P2RY8: variants seen among roughly 807,000 people sequenced by gnomAD.
The protein encoded by P2RY8 is P2Y receptor family member 8.
P2RY8 carries 6 observed loss-of-function variants against 10.0 expected under a neutral mutation model. That is an observed-to-expected ratio of 0.60 (90% CI 0.33 to 1.19). P2RY8 has a LOEUF of 1.19. P2RY8 is among the 50% of genes most tolerant of loss of function. P2RY8 has a pLI of 0.04. For missense variants in P2RY8, 456 were observed against 542.0 expected (o/e 0.84, Z 1.58); for synonymous variants, 276 against 252.5 (o/e 1.09, Z -0.88).
Position 1,465,404 on chromosome X carries a change from T to C in P2RY8, c.*75A>G. ...AACGCAGCTGTTCTCCCTGAACCTC[T>C]GGCACCGTGGCCTCTCCATGCGCCC... On this transcript the variant is annotated 3_prime_UTR_variant, in exon 2 of 2. Coordinates refer to ENST00000381297, the MANE Select transcript of P2RY8 (RefSeq NM_178129.5). 1.3e-6 allele frequency: 2 copies of C among 1,522,668 alleles called. No homozygotes were observed. Among genetic ancestry groups the C allele is most frequent in the Non-Finnish European group, 1.7e-6 (2 of 1,143,632 alleles). The allele number at this position is 1,522,668 out of a possible 1,614,324, so 94.3% of individuals were successfully genotyped here.
At chrX:1,486,123 C>T (rs1339245870) in intron 1 of P2RY8, among the ~76,000 whole-genome samples, 9 of 152,154 alleles carry the variant, frequency 5.9e-5, no homozygotes, top group Admixed American at 2.0e-4. Flanking sequence ...GAGGCTGAGG[C>T]AGGAGAATCG....
chrX:1,501,060 CT>C (rs2092174045), intron 1 of P2RY8, among the ~76,000 whole-genome samples: 1 of 152,164 alleles, frequency 6.6e-6, no homozygotes, highest in South Asian at 2.1e-4. Context: ...GACCTTTTAA[CT>C]TTACCACAGG....
In P2RY8 at chrX:1,535,693, CCACACA is replaced by C. The variant is rs779177116; in HGVS notation, c.-25+1222_-25+1227del. 9.0e-4 allele frequency among the ~76,000 whole-genome samples: 114 copies of C among 126,090 alleles called. 2 individuals carry two copies. In the South Asian group the frequency reaches 0.022, roughly 25 times the overall value. 82.7% of individuals were successfully genotyped at this position (126,090 alleles called of 152,430 possible). The stretch of plus-strand genomic sequence containing the variant: ...AAGATAACAACATGGGAAGAAACAA[CCACACA>C]CACACACACACACACAGACACACAC... On this transcript the variant is annotated intron_variant, in intron 1 of 1. Transcript: ENST00000381297.
chrX:1,507,945 C>A (rs1236347772), intron 1 of P2RY8, among the ~76,000 whole-genome samples: 3 of 127,610 alleles, frequency 2.4e-5, no homozygotes, highest in African/African-American at 7.6e-5. Context: ...TGCAGCCGGG[C>A]GGGACCAGGC....
rs1396584488 is a variant in P2RY8, at chrX:1,506,086, G to A, written c.-25+30835C>T. ...TGGCTCACTGCAAGCTCCGCCTCCC[G>A]GGTTCAAGTGATTCTCCTGCCTCAG... On this transcript the variant is annotated intron_variant, in intron 1 of 1. Transcript: ENST00000381297. Among the ~76,000 whole-genome samples, 9 of 148,262 alleles carry A rather than the reference G, an allele frequency of 6.1e-5. No homozygotes were observed. The South Asian group carries it at 1.3e-3, about 21-fold the overall frequency.
intron 1 of P2RY8, among the ~76,000 whole-genome samples, chrX:1,534,915 C>A (rs2092513348): frequency 6.6e-6 from 1 of 152,112 alleles, no homozygotes; most frequent in African/African-American, 2.4e-5. Context: ...CTCTCCCACC[C>A]ACCCCAAGGT....
chrX:1,478,273 G>GTGTGTGTGTGTGTGTGTGTGCA (rs539376483), intron 1 of P2RY8, among the ~76,000 whole-genome samples: 6,811 of 133,270 alleles, frequency 0.051, 250 homozygotes, highest in Admixed American at 0.085. Flanking sequence ...GTGTGTGTGT[G>GTGTGTGTGTGTGTGTGTGTGCA]CCCAGCAGGG....
rs183550484 is a variant in P2RY8, at chrX:1,488,766, T to C, written c.-24-22184A>G. ...TGTGTGTGTGTGTGTGTGTGTGTGATACAGGACATTCCCAATGACTGTGGA... is the reference window on the plus strand; with the variant it reads ...TGTGTGTGTGTGTGTGTGTGTGTGACACAGGACATTCCCAATGACTGTGGA... On this transcript the variant is annotated intron_variant, in intron 1 of 1. Coordinates refer to ENST00000381297, the MANE Select transcript of P2RY8 (RefSeq NM_178129.5). Among the ~76,000 whole-genome samples the C allele has an allele frequency of 3.2e-4, 44 of 136,568 alleles. 2 individuals are homozygous for C. In the East Asian group the frequency reaches 5.3e-3, roughly 16 times the overall value. The allele number at this position is 136,568 out of a possible 152,430, so 89.6% of individuals were successfully genotyped here. A position where few individuals can be genotyped will look rare whatever the true frequency, so the allele number is the denominator to read the frequency against.
intron 1 of P2RY8, among the ~76,000 whole-genome samples, chrX:1,485,820 T>G (rs1264877586): frequency 6.6e-6 from 1 of 150,716 alleles, no homozygotes; most frequent in Non-Finnish European, 1.5e-5. Flanking sequence ...ATATATAAAA[T>G]TATATACAAC....
intron 1 of P2RY8, among the ~76,000 whole-genome samples, chrX:1,532,901 G>T (rs1373663338): frequency 2.0e-5 from 3 of 150,886 alleles, no homozygotes; most frequent in African/African-American, 7.3e-5. Flanking sequence ...TCAGGAGGAG[G>T]CTGAGGCAGG....
rs1339851153 is a variant in P2RY8 at position 1,502,329 on chromosome X, G to C, written c.-25+34592C>G. Among the ~76,000 whole-genome samples the C allele has an allele frequency of 4.6e-5, 7 of 152,126 alleles. No individual in the cohort carries two copies. The South Asian group carries it at 6.2e-4, about 13-fold the overall frequency. On this transcript the variant is annotated intron_variant, in intron 1 of 1. Coordinates refer to ENST00000381297, the MANE Select transcript of P2RY8 (RefSeq NM_178129.5). ...ATCTCTGTTTTGGTCATGTCCTCCC[G>C]GGGGGCAGGGGTGGGGGTGGCAAAC...
intron 1 of P2RY8, among the ~76,000 whole-genome samples, chrX:1,502,065 C>G (rs1346547214): frequency 6.6e-6 from 1 of 152,126 alleles, no homozygotes; most frequent in Non-Finnish European, 1.5e-5. Context: ...CGTGTGCCAC[C>G]ACATCCAGCT....
chrX:1,481,721 G>C (rs2091937732), intron 1 of P2RY8, among the ~76,000 whole-genome samples: 1 of 152,076 alleles, frequency 6.6e-6, no homozygotes, highest in African/African-American at 2.4e-5. Context: ...CCCTGTTTCT[G>C]TGATAACACC....
chrX:1,515,448 C>T (rs189724752), intron 1 of P2RY8, among the ~76,000 whole-genome samples: 14,766 of 150,934 alleles, frequency 0.098, 953 homozygotes, highest in Non-Finnish European at 0.14. Context: ...CTCTGCTCAC[C>T]GCAACCTCCG....
intron 1 of P2RY8, among the ~76,000 whole-genome samples, chrX:1,511,978 G>A (rs1458800667): frequency 2.0e-5 from 3 of 152,066 alleles, no homozygotes; most frequent in South Asian, 2.1e-4. Context: ...GTGATATGGG[G>A]GCCCACCTGT....
intron 1 of P2RY8, among the ~76,000 whole-genome samples, chrX:1,479,451 T>C (rs1308056310): frequency 6.6e-6 from 1 of 152,218 alleles, no homozygotes; most frequent in Non-Finnish European, 1.5e-5. Context: ...ATCTGCTGAT[T>C]TGAAGGGTTT....
chrX:1,512,357 G>A (rs1322275377), intron 1 of P2RY8, among the ~76,000 whole-genome samples: 19 of 152,086 alleles, frequency 1.2e-4, no homozygotes, highest in Non-Finnish European at 1.0e-4. Context: ...GACCATCCTG[G>A]CCAACATGGT....
chrX:1,487,852 T>C (rs2149388707), intron 1 of P2RY8, among the ~76,000 whole-genome samples: 1 of 152,260 alleles, frequency 6.6e-6, no homozygotes, highest in South Asian at 2.1e-4. Context: ...GGCTCACGCC[T>C]GTCATCCCAG....
At chrX:1,488,246 C>T (rs2092005956) in intron 1 of P2RY8, among the ~76,000 whole-genome samples, 1 of 152,158 alleles carries the variant, frequency 6.6e-6, no homozygotes, top group South Asian at 2.1e-4. Context: ...AATCTCACTG[C>T]CTGGTTCTGC....
Sources: gnomAD v4.1 joint callset for allele counts (sites outside exome capture counted in the v4.1 genomes callset) on GRCh38, gnomAD v4.1.1 for gene constraint, MANE v1.5 for transcripts, NCBI Gene and HGNC (gene_info 2026-07-23, HGNC 2026-07-21) for gene names.